CADM1: variants seen among roughly 807,000 people sequenced by gnomAD.
CADM1 encodes the protein cell adhesion molecule 1.
Under a neutral mutation model 53.1 loss-of-function variants are expected in CADM1, and 15 were observed. That is an observed-to-expected ratio of 0.28 (90% confidence interval 0.19 to 0.44). The LOEUF (loss-of-function observed/expected upper bound fraction) is 0.44, where lower values mean the gene tolerates loss of function less well. Ranked by LOEUF, CADM1 falls within the 20% of genes least tolerant of loss-of-function variation. The pLI is 1.00. For missense variants in CADM1, 434 were observed against 611.3 expected (o/e 0.71, Z 3.06); for synonymous variants, 281 against 243.0 (o/e 1.16, Z -1.45).
intron 1 of CADM1, among the ~76,000 whole-genome samples, chr11:115,288,291 A>G (rs1051307519): frequency 6.6e-6 from 1 of 152,190 alleles, no homozygotes. Flanking sequence ...CATAGCTCCA[A>G]ATGAAATACT....
At chr11:115,266,696 G>A (rs536451224) in intron 1 of CADM1, among the ~76,000 whole-genome samples, 4 of 152,156 alleles carry the variant, frequency 2.6e-5, no homozygotes, top group Admixed American at 6.5e-5. Flanking sequence ...CTGTCATTCC[G>A]TGCAGCTCAG....
chr11:115,186,425 C>T (rs1384647922), intron 10 of CADM1, among the ~76,000 whole-genome samples: 2 of 152,166 alleles, frequency 1.3e-5, no homozygotes, highest in Admixed American at 1.3e-4. Context: ...TGACTTTTCC[C>T]TCATTCCCCG....
At chr11:115,416,687 T>C (rs1163103330) in intron 1 of CADM1, among the ~76,000 whole-genome samples, 1 of 141,448 alleles carries the variant, frequency 7.1e-6, no homozygotes, top group African/African-American at 2.7e-5. Context: ...TGGTCAGTTG[T>C]AAGGATTAAA....
chr11:115,191,190 G>T (rs753236625), intron 9 of CADM1: 9 of 468,696 alleles, frequency 1.9e-5, no homozygotes, highest in Non-Finnish European at 3.5e-5. Flanking sequence ...GAAGGTGAAT[G>T]CTTAAAATCA....
chr11:115,283,863 CTG>C (rs1268701763), intron 1 of CADM1, among the ~76,000 whole-genome samples: 1 of 152,210 alleles, frequency 6.6e-6, no homozygotes, highest in Non-Finnish European at 1.5e-5. Context: ...CCCCACTACA[CTG>C]TGAGGTCTCA....
At chr11:115,198,584 G>A in intron 8 of CADM1, 146 bp from the exon 9 acceptor site, 15 of 675,818 alleles carry the variant, frequency 2.2e-5, no homozygotes, top group Admixed American at 2.1e-4. Flanking sequence ...TAAATGAAAA[G>A]CAAAAAGCAT....
intron 1 of CADM1, among the ~76,000 whole-genome samples, chr11:115,454,139 GAGTCTA>G (rs1261470242): frequency 6.6e-6 from 1 of 151,974 alleles, no homozygotes; most frequent in Non-Finnish European, 1.5e-5. Flanking sequence ...CTCTTTTGGA[GAGTCTA>G]AGTCTAAGCA....
In CADM1 at chr11:115,442,307, A is replaced by C. The variant is rs527897218; in HGVS notation, c.124+61964T>G. ...TACCCAAAATGAAAGGGCTCACTCT[A>C]AAGCTTTGGGATGTTGTACTATACT... On this transcript the variant is annotated intron_variant, in intron 1 of 11. Coordinates refer to ENST00000331581, the MANE Select transcript of CADM1 (RefSeq NM_001301043.2). Among the ~76,000 whole-genome samples, 6 of 152,286 alleles carry C rather than the reference A, an allele frequency of 3.9e-5. No individual in the cohort carries two copies. In the East Asian group the frequency reaches 1.2e-3, roughly 29 times the overall value.
At chr11:115,235,065 G>A (rs1941964335) in intron 3 of CADM1, among the ~76,000 whole-genome samples, 2 of 151,808 alleles carry the variant, frequency 1.3e-5, no homozygotes, top group Admixed American at 1.3e-4. Flanking sequence ...AAGGTTAGAA[G>A]AAGAAACAGG....
rs554114107 is a variant in CADM1, at chr11:115,471,376, G to A, written c.124+32895C>T. On this transcript the variant is annotated intron_variant, in intron 1 of 11. Coordinates refer to ENST00000331581, the MANE Select transcript of CADM1 (RefSeq NM_001301043.2). Reference sequence around the variant, plus strand: ...AGTGAACTGAGACTGCCTCGAGGAAGTGAATTTTGGGACTGACATTTTAAA... The same window carrying A: ...AGTGAACTGAGACTGCCTCGAGGAAATGAATTTTGGGACTGACATTTTAAA... Among the ~76,000 whole-genome samples the A allele has an allele frequency of 3.9e-5, 6 of 152,338 alleles. No individual in the cohort carries two copies. The South Asian group carries it at 1.2e-3, about 32-fold the overall frequency.
chr11:115,493,016 C>A (rs1439121662), intron 1 of CADM1, among the ~76,000 whole-genome samples: 1 of 151,704 alleles, frequency 6.6e-6, no homozygotes, highest in Admixed American at 6.6e-5. Context: ...TAGCAATGAG[C>A]ACAATTCTTA....
chr11:115,358,659 C>T (rs1334967758), intron 1 of CADM1, among the ~76,000 whole-genome samples: 1 of 152,164 alleles, frequency 6.6e-6, no homozygotes, highest in Non-Finnish European at 1.5e-5. Flanking sequence ...TTATTTCACA[C>T]AGCATAATTA....
intron 9 of CADM1, chr11:115,191,148 T>TCA (rs1234948743): frequency 1.8e-6 from 1 of 562,428 alleles, no homozygotes. Flanking sequence ...GAAAGATTCC[T>TCA]CAGTCTCCAC....
intron 1 of CADM1, among the ~76,000 whole-genome samples, chr11:115,429,827 A>G (rs2135292591): frequency 6.6e-6 from 1 of 152,204 alleles, no homozygotes; most frequent in East Asian, 1.9e-4. Flanking sequence ...TGTCCAAAGC[A>G]GGGATGTCCA....
In CADM1 at chr11:115,240,765, AG is replaced by A. The variant is rs1030142581; in HGVS notation, c.125-346del. On this transcript the variant is annotated intron_variant, in intron 1 of 11. Coordinates refer to ENST00000331581, the MANE Select transcript of CADM1 (RefSeq NM_001301043.2). The stretch of plus-strand genomic sequence containing the variant: ...ATGCTGAATCTCTCACAAATGGAGT[AG>A]GGAAGATAGACACAGCCAACTTTAG... 2.0e-4 allele frequency: 61 copies of A among 306,954 alleles called. 1 individual carries two copies. The highest frequency in any genetic ancestry group is 1.1e-4 in the South Asian group (3 of 28,230). The allele number at this position is 306,954 out of a possible 1,614,324, so 19.0% of individuals were successfully genotyped here.
At chr11:115,206,120 A>G (rs536864861) in intron 8 of CADM1, among the ~76,000 whole-genome samples, 24 of 152,332 alleles carry the variant, frequency 1.6e-4, no homozygotes, top group Non-Finnish European at 3.1e-4. Context: ...AAGGTGTTGA[A>G]GATCTTATGG....
intron 1 of CADM1, among the ~76,000 whole-genome samples, chr11:115,248,628 T>C (rs1420636348): frequency 6.6e-6 from 1 of 152,248 alleles, no homozygotes; most frequent in Non-Finnish European, 1.5e-5. Context: ...TGCACACTGG[T>C]AGGTGAAAAC....
At chr11:115,457,939 G>GATT (rs796702617) in intron 1 of CADM1, among the ~76,000 whole-genome samples, 16 of 152,204 alleles carry the variant, frequency 1.1e-4, no homozygotes, top group African/African-American at 3.9e-4. Context: ...TAAAATGAGG[G>GATT]ATTATCCTTA....
chr11:115,482,904 C>T (rs895688491), intron 1 of CADM1, among the ~76,000 whole-genome samples: 4 of 152,158 alleles, frequency 2.6e-5, no homozygotes, highest in African/African-American at 7.2e-5. Flanking sequence ...GAAGTTAATT[C>T]AAATGTCCTT....
Sources: allele counts gnomAD v4.1 joint callset (sites outside exome capture counted in the v4.1 genomes callset), GRCh38; gene constraint gnomAD v4.1.1; transcripts MANE v1.5; gene names NCBI Gene and HGNC (gene_info 2026-07-23, HGNC 2026-07-21).